Variants in CNTNAP2 observed in about 807,000 individuals in gnomAD.
The protein encoded by CNTNAP2 is contactin associated protein 2, also known as contactin-associated protein-like 2.
A neutral mutation model predicts 155.2 loss-of-function variants in CNTNAP2; 98 were observed. The ratio of observed to expected loss-of-function variants is 0.63; its 90% CI spans 0.54 to 0.75. The LOEUF is 0.75. CNTNAP2 is among the 30% of genes least tolerant of loss of function. The probability of loss-of-function intolerance (pLI) is 0.00; values close to 1 mark genes in which losing one functional copy is unlikely to be tolerated. For synonymous variants in CNTNAP2, 651 were observed against 631.2 expected (o/e 1.03, Z -0.47); for missense variants, 1,727 against 1,688.1 (o/e 1.02, Z -0.40).
At chr7:146,788,671 G>A (rs1191178279) in intron 2 of CNTNAP2, among the ~76,000 whole-genome samples, 1 of 151,254 alleles carries the variant, frequency 6.6e-6, no homozygotes, top group African/African-American at 2.4e-5. Flanking sequence ...TGGTCTTCAG[G>A]TTTTTTTTTA....
At chr7:146,362,408 A>C (rs1005977278) in intron 1 of CNTNAP2, among the ~76,000 whole-genome samples, 24 of 152,200 alleles carry the variant, frequency 1.6e-4, no homozygotes, top group Admixed American at 1.4e-3. Flanking sequence ...AAGCAGCCAC[A>C]GATGAAGTCG....
intron 1 of CNTNAP2, among the ~76,000 whole-genome samples, chr7:146,282,355 C>T (rs1160318538): frequency 3.3e-5 from 5 of 152,212 alleles, no homozygotes; most frequent in Non-Finnish European, 7.3e-5. Context: ...ACATACCTAG[C>T]TCCATCGACT....
intron 13 of CNTNAP2, among the ~76,000 whole-genome samples, chr7:147,784,492 CTAATATATATAT>C (rs1797704607): frequency 1.9e-5 from 1 of 51,706 alleles, no homozygotes; most frequent in African/African-American, 6.8e-5. Context: ...GGGCTCTGGA[CTAATATATATAT>C]ATATATATAT....
chr7:146,836,998 AG>A (rs1803630853), intron 2 of CNTNAP2, among the ~76,000 whole-genome samples: 1 of 152,096 alleles, frequency 6.6e-6, no homozygotes, highest in South Asian at 2.1e-4. Context: ...AATACCTTTA[AG>A]ATTTTCTCTT....
At chr7:147,553,243 G>A (rs761120487) in intron 11 of CNTNAP2, among the ~76,000 whole-genome samples, 12 of 152,090 alleles carry the variant, frequency 7.9e-5, no homozygotes, top group Non-Finnish European at 1.3e-4. Flanking sequence ...ATCTAAGATC[G>A]CAGAGACCAG....
chr7:148,247,929 C>T (rs911360560), intron 20 of CNTNAP2, among the ~76,000 whole-genome samples: 18 of 152,054 alleles, frequency 1.2e-4, no homozygotes, highest in Non-Finnish European at 2.6e-4. Flanking sequence ...GCTGGGATTA[C>T]AGGTGTGAAC....
intron 3 of CNTNAP2, among the ~76,000 whole-genome samples, chr7:147,033,915 A>G (rs1230953108): frequency 1.3e-5 from 2 of 152,110 alleles, no homozygotes; most frequent in Admixed American, 6.5e-5. Flanking sequence ...CCAACAGAAT[A>G]AAGTGCAAGC....
chr7:147,631,568 C>T (rs1480681600), intron 12 of CNTNAP2, among the ~76,000 whole-genome samples: 1 of 152,018 alleles, frequency 6.6e-6, no homozygotes, highest in Non-Finnish European at 1.5e-5. Context: ...TCACGTTACC[C>T]TAATTAAAAC....
chr7:146,824,518 T>C lies in CNTNAP2; in HGVS notation c.209-15193T>C. Among the ~76,000 whole-genome samples, 2 of 152,186 alleles carry C rather than the reference T, an allele frequency of 1.3e-5. 1 individual carries two copies. The highest frequency in any genetic ancestry group is 2.9e-5 in the Non-Finnish European group (2 of 68,038). ...CACTCCTACCAACAGTGTGAAAACA[T>C]TCCTATTTCTCCACATCCCCTTCAG... On this transcript the variant is annotated intron_variant, in intron 2 of 23. Transcript: ENST00000361727.
intron 21 of CNTNAP2, among the ~76,000 whole-genome samples, chr7:148,311,585 C>A (rs548638009): frequency 9.9e-5 from 15 of 152,176 alleles, no homozygotes; most frequent in African/African-American, 3.6e-4. Flanking sequence ...TGGGCGGGGG[C>A]AAATCCTCGA....
chr7:148,310,987 C>T (rs1797586307), intron 21 of CNTNAP2, among the ~76,000 whole-genome samples: 1 of 151,980 alleles, frequency 6.6e-6, no homozygotes. Context: ...AAAGGAACAT[C>T]GAGAAGGTGA....
intron 1 of CNTNAP2, among the ~76,000 whole-genome samples, chr7:146,131,102 A>G (rs1172493008): frequency 1.3e-5 from 2 of 152,226 alleles, no homozygotes; most frequent in Non-Finnish European, 2.9e-5. Flanking sequence ...AGTTTCACAT[A>G]ACATTTTTGA....
intron 8 of CNTNAP2, among the ~76,000 whole-genome samples, chr7:147,287,348 C>G (rs1805203249): frequency 6.6e-6 from 1 of 151,906 alleles, no homozygotes; most frequent in Non-Finnish European, 1.5e-5. Context: ...AAAATCAGAG[C>G]AGGGGGAGTA....
intron 3 of CNTNAP2, among the ~76,000 whole-genome samples, chr7:146,905,200 G>A (rs1010927123): frequency 9.2e-5 from 14 of 151,826 alleles, no homozygotes; most frequent in South Asian, 6.3e-4. Context: ...CCCTGGAGTC[G>A]GGAGGGGGAA....
chr7:146,511,549 T>G (rs1270276905), intron 1 of CNTNAP2, among the ~76,000 whole-genome samples: 3 of 152,230 alleles, frequency 2.0e-5, no homozygotes, highest in Non-Finnish European at 4.4e-5. Context: ...AAACATTTTT[T>G]TAAAAATTCT....
chr7:146,150,087 AAC>A (rs1314179867), intron 1 of CNTNAP2, among the ~76,000 whole-genome samples: 1 of 152,144 alleles, frequency 6.6e-6, no homozygotes, highest in Non-Finnish European at 1.5e-5. Context: ...GTAAACAGAC[AAC>A]ACAGTAAAAA....
At chr7:147,217,305 T>C (rs1419386188) in intron 8 of CNTNAP2, among the ~76,000 whole-genome samples, 1 of 152,126 alleles carries the variant, frequency 6.6e-6, no homozygotes, top group South Asian at 2.1e-4. Flanking sequence ...ATATTCTTTT[T>C]CATGTTGAGG....
At chr7:146,384,440 G>T (rs1238454927) in intron 1 of CNTNAP2, among the ~76,000 whole-genome samples, 1 of 152,022 alleles carries the variant, frequency 6.6e-6, no homozygotes, top group African/African-American at 2.4e-5. Context: ...CCTTTTCTGA[G>T]TCATCAAAGA....
At chr7:146,350,431 C>T (rs1418757282) in intron 1 of CNTNAP2, among the ~76,000 whole-genome samples, 2 of 152,106 alleles carry the variant, frequency 1.3e-5, no homozygotes, top group African/African-American at 2.4e-5. Flanking sequence ...TGAAAAAATG[C>T]TCATCATCAC....
Sources: gnomAD v4.1 joint callset for allele counts (sites outside exome capture counted in the v4.1 genomes callset) on GRCh38, gnomAD v4.1.1 for gene constraint, MANE v1.5 for transcripts, NCBI Gene and HGNC (gene_info 2026-07-23, HGNC 2026-07-21) for gene names.